The following RBM11 variants were observed in gnomAD, a reference collection of about 807,000 sequenced individuals.
RBM11 encodes splicing regulator RBM11.
In RBM11, 18 loss-of-function variants were observed where a neutral mutation model predicts 21.4. That is an observed-to-expected ratio of 0.84 (90% CI 0.58 to 1.25). The LOEUF is 1.25. Among genes scored for constraint, RBM11 ranks in the 50% most tolerant of loss-of-function variants. RBM11 has a pLI of 0.00. For missense variants in RBM11, 294 were observed against 331.9 expected (o/e 0.89, Z 0.89); for synonymous variants, 120 against 116.3 (o/e 1.03, Z -0.20).
At position 14,224,515 on chromosome 21, in the gene RBM11, A is replaced by G. The variant is rs1421031335; in HGVS notation, c.410A>G (p.Glu137Gly). The change falls in exon 4 of 5, where the codon GAA becomes GGA. Residue 137 changes from glutamate (E) to glycine (G), a missense_variant. Glu to Gly is a moderately conservative substitution (Grantham distance 98). This residue lies in a region of RBM11 where 181 missense variants were observed against 164.6 expected (regional missense o/e 1.10). Coordinates refer to ENST00000400577, the MANE Select transcript of RBM11 (RefSeq NM_144770.5). ...ATTAATAATACTTCTTTACCTCAAG[A>G]ATATTTTCTCTTTCAGAAGATGGTA... is the stretch of plus-strand genomic sequence containing the variant. ...FPINNTSLPQEYFLFQKMQWH... is the reference protein window; with the variant it reads ...FPINNTSLPQGYFLFQKMQWH... 2.6e-6 allele frequency: 4 copies of G among 1,553,698 alleles called. No homozygotes were observed. Among genetic ancestry groups the G allele is most frequent in the Admixed American group, 3.9e-5 (2 of 51,160 alleles).
rs2822445 is a variant in RBM11 at position 14,227,444 on chromosome 21, T to C, written c.*151T>C. The C allele has an allele frequency of 0.42, 362,625 of 858,740 alleles. 76,533 individuals carry two copies. The highest frequency in any genetic ancestry group is 0.51 in the East Asian group (18,273 of 35,750). 53.2% of individuals were successfully genotyped at this position (858,740 alleles called of 1,614,324 possible). A position where few individuals can be genotyped will look rare whatever the true frequency, so the allele number is the denominator to read the frequency against. On this transcript the variant is annotated 3_prime_UTR_variant, in exon 5 of 5. Transcript: ENST00000400577. ...TATCTCTGGTTTGCTGTTCAATTTT[T>C]GCCTTGAACGACAAAAGCTTTCTAA...
At chr21:14,217,760 A>G (rs1484154161) in intron 1 of RBM11, among the ~76,000 whole-genome samples, 1 of 152,154 alleles carries the variant, frequency 6.6e-6, no homozygotes, top group Non-Finnish European at 1.5e-5. Flanking sequence ...AAAGAAATAT[A>G]AAGTAAACTT....
At chr21:14,217,719 A>G (rs1978335099) in intron 1 of RBM11, among the ~76,000 whole-genome samples, 2 of 152,110 alleles carry the variant, frequency 1.3e-5, no homozygotes, top group Non-Finnish European at 2.9e-5. Context: ...AACTTACTAT[A>G]TTAAGTTAAA....
chr21:14,221,078 T>C lies in RBM11; in HGVS notation c.260-19T>C. The C allele has an allele frequency of 6.4e-7, 1 of 1,552,360 alleles. No homozygotes were observed. On this transcript the variant is annotated intron_variant, in intron 2 of 4. Transcript: ENST00000400577. ...AAAAATGTACCATGAAGTAACCTGT[T>C]ACTCTGTTTCTTTCAAAGGGAGTTC... is the stretch of plus-strand genomic sequence containing the variant.
chr21:14,227,346 A>G lies in RBM11; in HGVS notation c.*53A>G. 6.7e-7 allele frequency: 1 copy of G among 1,495,034 alleles called. No homozygotes were observed. Among genetic ancestry groups the G allele is most frequent in the South Asian group, 1.3e-5 (1 of 74,094 alleles). The allele number at this position is 1,495,034 out of a possible 1,614,324, so 92.6% of individuals were successfully genotyped here. On this transcript the variant is annotated 3_prime_UTR_variant, in exon 5 of 5. Coordinates refer to ENST00000400577, the MANE Select transcript of RBM11 (RefSeq NM_144770.5). ...ACTGATCTTAGTTCTCTTATGAAAA[A>G]AATAAGATGTTATCCCATCAAATAA... is the stretch of plus-strand genomic sequence containing the variant.
chr21:14,216,858 A>C (rs1366530194), intron 1 of RBM11, among the ~76,000 whole-genome samples: 3 of 152,136 alleles, frequency 2.0e-5, no homozygotes, highest in Non-Finnish European at 1.5e-5. Context: ...TGGTACCTCT[A>C]GGATTAAGCC....
At chr21:14,225,142 T>TA (rs1978987658) in intron 4 of RBM11, among the ~76,000 whole-genome samples, 4 of 152,188 alleles carry the variant, frequency 2.6e-5, no homozygotes, top group Admixed American at 2.6e-4. Flanking sequence ...CAGAATTGCA[T>TA]AATTTGAATA....
At chr21:14,225,635 T>C (rs1979024040) in intron 4 of RBM11, among the ~76,000 whole-genome samples, 1 of 149,930 alleles carries the variant, frequency 6.7e-6, no homozygotes, top group Non-Finnish European at 1.5e-5. Context: ...AATTTTCCTG[T>C]AAATTGATAC....
chr21:14,226,416 C>T (rs747375941), intron 4 of RBM11, among the ~76,000 whole-genome samples: 1 of 151,808 alleles, frequency 6.6e-6, no homozygotes, highest in Non-Finnish European at 1.5e-5. Context: ...GTCAGGAGAT[C>T]GAGACCAGCC....
intron 4 of RBM11, among the ~76,000 whole-genome samples, chr21:14,224,991 A>G (rs2123408594): frequency 6.6e-6 from 1 of 152,136 alleles, no homozygotes; most frequent in East Asian, 1.9e-4. Context: ...ATGGTGGTGC[A>G]CACCCGTAAC....
At chr21:14,221,336 C>A (rs1978648789) in intron 3 of RBM11, 167 bp downstream of exon 3, 1 of 864,744 alleles carries the variant, frequency 1.2e-6, no homozygotes, top group Non-Finnish European at 1.6e-6. Context: ...AAAATATTTT[C>A]ATTTAAAATT....
Position 14,224,341 on chromosome 21 carries a change from C to T in RBM11, c.333-97C>T, listed in dbSNP as rs1978914532. The stretch of plus-strand genomic sequence containing the variant: ...TGATTCCTCTATGCAGACAACTTTG[C>T]ATCCCCTGAGGAAAGATAGTGGTTT... On this transcript the variant is annotated intron_variant, in intron 3 of 4. Coordinates refer to ENST00000400577, the MANE Select transcript of RBM11 (RefSeq NM_144770.5). The T allele has an allele frequency of 3.4e-6, 5 of 1,457,538 alleles. No homozygotes were observed. The South Asian group carries it at 5.9e-5, about 17-fold the overall frequency. The allele number at this position is 1,457,538 out of a possible 1,614,324, so 90.3% of individuals were successfully genotyped here.
rs774283762 is a variant in RBM11 at position 14,219,745 on chromosome 21, A to G, written c.259+20A>G. On this transcript the variant is annotated intron_variant, in intron 2 of 4. Coordinates refer to ENST00000400577, the MANE Select transcript of RBM11 (RefSeq NM_144770.5). The stretch of plus-strand genomic sequence containing the variant: ...GATTTGGTAGGTCCTGTCACTGATT[A>G]ATCTTCAAAGTGTTTTGTGGTTGGT... 6.5e-7 allele frequency: 1 copy of G among 1,543,792 alleles called. No homozygotes were observed. The highest frequency in any genetic ancestry group is 8.8e-7 in the Non-Finnish European group (1 of 1,134,530).
At chr21:14,223,909 A>G (rs949627406) in intron 3 of RBM11, among the ~76,000 whole-genome samples, 5 of 152,182 alleles carry the variant, frequency 3.3e-5, no homozygotes, top group South Asian at 4.1e-4. Flanking sequence ...ATGTTATAAC[A>G]TAGTAGAGCT....
Position 14,228,097 on chromosome 21 carries a change from T to C in RBM11, c.*804T>C, listed in dbSNP as rs1044562466. 4.6e-5 allele frequency: 7 copies of C among 152,200 alleles called. No homozygotes were observed. Among genetic ancestry groups the C allele is most frequent in the African/African-American group, 1.7e-4 (7 of 41,462 alleles). The allele number at this position is 152,200 out of a possible 1,614,324, so 9.4% of individuals were successfully genotyped here. On this transcript the variant is annotated 3_prime_UTR_variant, in exon 5 of 5. Coordinates refer to ENST00000400577, the MANE Select transcript of RBM11 (RefSeq NM_144770.5). ...AATAATATTTTATTAATGTATGATA[T>C]GTAATACTTATTGTCTAAATCAAGT... is the stretch of plus-strand genomic sequence containing the variant.
intron 1 of RBM11, among the ~76,000 whole-genome samples, chr21:14,218,074 A>G (rs953298542): frequency 1.3e-5 from 2 of 152,176 alleles, no homozygotes; most frequent in African/African-American, 2.4e-5. Flanking sequence ...TTAGACTTCA[A>G]CACCCAGCAA....
At chr21:14,223,528 A>G (rs2123404303) in intron 3 of RBM11, among the ~76,000 whole-genome samples, 1 of 152,324 alleles carries the variant, frequency 6.6e-6, no homozygotes, top group East Asian at 1.9e-4. Flanking sequence ...TATCAGAAAT[A>G]ATCTGTTTCA....
chr21:14,226,595 G>A (rs963797044), intron 4 of RBM11, among the ~76,000 whole-genome samples: 1 of 149,056 alleles, frequency 6.7e-6, no homozygotes, highest in Non-Finnish European at 1.5e-5. Flanking sequence ...ACTCCAGCAT[G>A]GGCAACAAAG....
chr21:14,217,191 T>C (rs1163587342), intron 1 of RBM11, among the ~76,000 whole-genome samples: 1 of 152,180 alleles, frequency 6.6e-6, no homozygotes, highest in Non-Finnish European at 1.5e-5. Flanking sequence ...AGTTTCCTTA[T>C]ATGTCAAAAG....
Sources: allele counts gnomAD v4.1 joint callset (sites outside exome capture counted in the v4.1 genomes callset), GRCh38; gene constraint gnomAD v4.1.1; regional missense constraint gnomAD v4.1.1; transcripts MANE v1.5; gene names NCBI Gene and HGNC (gene_info 2026-07-23, HGNC 2026-07-21).